The following SCEL variants were observed in gnomAD, a reference collection of about 807,000 sequenced individuals.
SCEL encodes the protein sciellin.
SCEL carries 113 observed loss-of-function variants against 117.6 expected under a neutral mutation model. The ratio of observed to expected loss-of-function variants is 0.96; its 90% CI spans 0.83 to 1.12. The LOEUF (loss-of-function observed/expected upper bound fraction) is 1.12, where lower values mean the gene tolerates loss of function less well. Among genes scored for constraint, SCEL ranks in the 50% most tolerant of loss-of-function variants. The probability of loss-of-function intolerance (pLI) is 0.00; values close to 1 mark genes in which losing one functional copy is unlikely to be tolerated. For missense variants in SCEL, 785 were observed against 810.8 expected (o/e 0.97, Z 0.39); for synonymous variants, 270 against 256.2 (o/e 1.05, Z -0.51).
chr13:77,539,318 G>T (rs888117759), intron 1 of SCEL, among the ~76,000 whole-genome samples: 1 of 151,010 alleles, frequency 6.6e-6, no homozygotes, highest in Non-Finnish European at 1.5e-5. Context: ...GGACATATAT[G>T]TATAAAATAT....
At position 77,597,609 on chromosome 13, in the gene SCEL, A is replaced by G. The variant is rs1461394435; in HGVS notation, c.797+20A>G. 9 of 1,342,932 alleles carry G rather than the reference A, an allele frequency of 6.7e-6. No homozygotes were observed. Among genetic ancestry groups the G allele is most frequent in the Non-Finnish European group, 8.3e-6 (8 of 968,270 alleles). The allele number at this position is 1,342,932 out of a possible 1,614,324, so 83.2% of individuals were successfully genotyped here. On this transcript the variant is annotated intron_variant, in intron 13 of 32. Coordinates refer to ENST00000349847, the MANE Select transcript of SCEL (RefSeq NM_144777.3). Reference sequence around the variant, plus strand: ...GAATAGGTAAGATTTTTAAATGTTTATCTTTTATTACTGAGTTGCATATTG... The same window carrying G: ...GAATAGGTAAGATTTTTAAATGTTTGTCTTTTATTACTGAGTTGCATATTG...
chr13:77,616,008 G>C (rs944420734), intron 24 of SCEL, among the ~76,000 whole-genome samples: 7 of 119,670 alleles, frequency 5.8e-5, no homozygotes, highest in Non-Finnish European at 9.3e-5. Flanking sequence ...GTCTCTCTGT[G>C]TGTGTGTGTG....
At position 77,603,072 on chromosome 13, in the gene SCEL, A is replaced by G. The variant is rs1244601374; in HGVS notation, c.1038-4A>G. 4 of 1,458,856 alleles carry G rather than the reference A, an allele frequency of 2.7e-6. No individual in the cohort carries two copies. The East Asian group carries it at 7.0e-5, about 26-fold the overall frequency. The allele number at this position is 1,458,856 out of a possible 1,614,324, so 90.4% of individuals were successfully genotyped here. A position where few individuals can be genotyped will look rare whatever the true frequency, so the allele number is the denominator to read the frequency against. On this transcript the variant is annotated splice_region_variant and splice_polypyrimidine_tract_variant and intron_variant, in intron 17 of 32. Coordinates refer to ENST00000349847, the MANE Select transcript of SCEL (RefSeq NM_144777.3). Reference sequence around the variant, plus strand: ...GAAACTGATATAAACTTTTTTTTTTAAAGAAGTGAAGACCTTGATAATGCT... The same window carrying G: ...GAAACTGATATAAACTTTTTTTTTTGAAGAAGTGAAGACCTTGATAATGCT...
At position 77,579,780 on chromosome 13, in the gene SCEL, G is replaced by A. The variant is rs941714830; in HGVS notation, c.545+7591G>A. 4.6e-5 allele frequency among the ~76,000 whole-genome samples: 7 copies of A among 152,310 alleles called. No homozygotes were observed. In the East Asian group the frequency reaches 1.2e-3, roughly 25 times the overall value. On this transcript the variant is annotated intron_variant, in intron 9 of 32. Coordinates refer to ENST00000349847, the MANE Select transcript of SCEL (RefSeq NM_144777.3). ...TCAAAGGAGGCAATGCCAGAGGTAA[G>A]CCTTAAACAGCAAGCAAGAGTAAGC...
intron 12 of SCEL, 37 bp from the exon 13 acceptor site, chr13:77,597,508 T>C (rs752020712): frequency 1.5e-5 from 20 of 1,305,162 alleles, no homozygotes; most frequent in Non-Finnish European, 2.1e-5. Context: ...TGGGCAAGCT[T>C]TTTACTAATG....
chr13:77,612,622 A>G (rs1056666063), intron 22 of SCEL, among the ~76,000 whole-genome samples: 1 of 151,732 alleles, frequency 6.6e-6, no homozygotes, highest in African/African-American at 2.4e-5. Context: ...TGCCACACAG[A>G]TAAAGTATGT....
At chr13:77,593,354 G>A (rs10507869) in intron 11 of SCEL, among the ~76,000 whole-genome samples, 160 bp from the exon 12 acceptor site, 19,879 of 150,380 alleles carry the variant, frequency 0.13, 1,406 homozygotes, top group Non-Finnish European at 0.15. Flanking sequence ...TGTGCCATGA[G>A]CTGACATAAT....
intron 32 of SCEL, 137 bp from the exon 33 acceptor site, chr13:77,644,121 G>A (rs1430380490): frequency 1.1e-6 from 1 of 881,912 alleles, no homozygotes; most frequent in Non-Finnish European, 1.8e-6. Flanking sequence ...AAAAGCCACA[G>A]CGATTATTTC....
chr13:77,619,827 A>G (rs963891797), intron 27 of SCEL, among the ~76,000 whole-genome samples: 1 of 152,178 alleles, frequency 6.6e-6, no homozygotes, highest in African/African-American at 2.4e-5. Flanking sequence ...AATAACTGAC[A>G]GTGAAAAATG....
chr13:77,603,707 G>A (rs1338822794), intron 18 of SCEL, among the ~76,000 whole-genome samples: 1 of 152,110 alleles, frequency 6.6e-6, no homozygotes, highest in Admixed American at 6.5e-5. Flanking sequence ...TTTTAATGGG[G>A]TGGCCTGTGT....
At chr13:77,629,378 A>ATT (rs11391002) in intron 28 of SCEL, among the ~76,000 whole-genome samples, 2 of 151,170 alleles carry the variant, frequency 1.3e-5, no homozygotes, top group African/African-American at 2.4e-5. Context: ...TGATAACCAA[A>ATT]TTTTTTTTTG....
At chr13:77,643,488 G>A (rs558738529) in intron 32 of SCEL, among the ~76,000 whole-genome samples, 9 of 152,096 alleles carry the variant, frequency 5.9e-5, no homozygotes, top group Non-Finnish European at 1.2e-4. Context: ...GCTACTATCC[G>A]CATTTTCCTT....
At chr13:77,567,816 T>C in intron 6 of SCEL, 68 bp downstream of exon 6, 1 of 962,500 alleles carries the variant, frequency 1.0e-6, no homozygotes, top group Non-Finnish European at 1.6e-6. Context: ...CCTATGTACT[T>C]GCAATTCTTC....
Position 77,545,630 on chromosome 13 carries a change from T to G in SCEL, c.-20+9806T>G, listed in dbSNP as rs1426087216. Among the ~76,000 whole-genome samples, 4 of 152,228 alleles carry G rather than the reference T, an allele frequency of 2.6e-5. No homozygotes were observed. In the East Asian group the frequency reaches 7.7e-4, roughly 29 times the overall value. ...TAGAGGTCGATGAGACAGGAATGTTTACACCTTAGAGGCTTTACATGGAAG... is the reference window on the plus strand; with the variant it reads ...TAGAGGTCGATGAGACAGGAATGTTGACACCTTAGAGGCTTTACATGGAAG... On this transcript the variant is annotated intron_variant, in intron 1 of 32. Coordinates refer to ENST00000349847, the MANE Select transcript of SCEL (RefSeq NM_144777.3).
At chr13:77,585,965 G>T (rs548418855) in intron 9 of SCEL, among the ~76,000 whole-genome samples, 1 of 152,212 alleles carries the variant, frequency 6.6e-6, no homozygotes, top group East Asian at 1.9e-4. Flanking sequence ...GATGAAGGTA[G>T]GGGTCTTGTT....
intron 1 of SCEL, among the ~76,000 whole-genome samples, chr13:77,540,028 G>A (rs1002796318): frequency 3.4e-4 from 52 of 152,016 alleles, no homozygotes; most frequent in African/African-American, 1.2e-3. Context: ...TGAGGAAAAC[G>A]GATAGCCACA....
intron 9 of SCEL, among the ~76,000 whole-genome samples, chr13:77,585,769 C>T (rs1387671590): frequency 6.6e-6 from 1 of 152,168 alleles, no homozygotes; most frequent in Non-Finnish European, 1.5e-5. Context: ...TCACACTGAG[C>T]TCTCAAACCC....
At chr13:77,634,888 A>T (rs1344066860) in intron 29 of SCEL, among the ~76,000 whole-genome samples, 1 of 152,210 alleles carries the variant, frequency 6.6e-6, no homozygotes, top group African/African-American at 2.4e-5. Flanking sequence ...AAGTTATGGG[A>T]TATTGATGTT....
chr13:77,573,955 G>C (rs1307292831), intron 9 of SCEL, among the ~76,000 whole-genome samples: 1 of 152,106 alleles, frequency 6.6e-6, no homozygotes, highest in Non-Finnish European at 1.5e-5. Flanking sequence ...CTATCTAAGT[G>C]GGGAAAATGT....
Sources: gnomAD v4.1 joint callset for allele counts (sites outside exome capture counted in the v4.1 genomes callset) on GRCh38, gnomAD v4.1.1 for gene constraint, MANE v1.5 for transcripts, NCBI Gene and HGNC (gene_info 2026-07-23, HGNC 2026-07-21) for gene names.